Variants in SAMD4A observed in about 807,000 individuals in gnomAD.
SAMD4A encodes the protein sterile alpha motif domain containing 4A.
In SAMD4A, 33 loss-of-function variants were observed where a neutral mutation model predicts 81.3. The observed-to-expected ratio is 0.41, with a 90% CI of 0.31 to 0.54. The LOEUF is 0.54. Among genes scored for constraint, SAMD4A ranks in the 20% least tolerant of loss-of-function variants. The pLI is 0.37. For synonymous variants in SAMD4A, 389 were observed against 382.1 expected (o/e 1.02, Z -0.21); for missense variants, 854 against 951.1 (o/e 0.90, Z 1.34).
upstream of SAMD4A, among the ~76,000 whole-genome samples, chr14:54,565,974 T>TC (rs1415180114): frequency 1.4e-5 from 2 of 144,034 alleles, no homozygotes; most frequent in Non-Finnish European, 3.0e-5. The surrounding 1 kb of genome is among the most constrained non-coding windows in gnomAD (Gnocchi z 5.4). Flanking sequence ...CCGGGGTTCC[T>TC]CCCCCCGGCT....
chr14:54,681,318 CT>C (rs1373324307), intron 2 of SAMD4A, among the ~76,000 whole-genome samples: 1 of 152,134 alleles, frequency 6.6e-6, no homozygotes, highest in Non-Finnish European at 1.5e-5. Flanking sequence ...GAAAAAAGTA[CT>C]CCACAGATGA....
intron 11 of SAMD4A, among the ~76,000 whole-genome samples, chr14:54,780,696 G>A (rs2038977979): frequency 6.6e-6 from 1 of 152,236 alleles, no homozygotes; most frequent in Non-Finnish European, 1.5e-5. Flanking sequence ...CTTGGGGCAA[G>A]ATGGTACAAT....
At chr14:54,572,023 A>G (rs1331775827) in intron 2 of SAMD4A, among the ~76,000 whole-genome samples, 1 of 152,168 alleles carries the variant, frequency 6.6e-6, no homozygotes, top group African/African-American at 2.4e-5. Context: ...TATGGATAAG[A>G]TCTTGTTTGT....
intron 2 of SAMD4A, among the ~76,000 whole-genome samples, chr14:54,697,319 A>T (rs995485703): frequency 3.3e-5 from 5 of 152,312 alleles, no homozygotes; most frequent in African/African-American, 9.6e-5. Flanking sequence ...GAGAGACCAG[A>T]CGTACTCCAA....
chr14:54,680,422 T>C (rs574956991), intron 2 of SAMD4A, among the ~76,000 whole-genome samples: 2 of 152,374 alleles, frequency 1.3e-5, no homozygotes, highest in South Asian at 2.1e-4. Flanking sequence ...AGTATGTTTC[T>C]GGACTGTGAG....
intron 5 of SAMD4A, among the ~76,000 whole-genome samples, chr14:54,750,711 A>G (rs958912999): frequency 6.6e-6 from 1 of 152,214 alleles, no homozygotes; most frequent in Non-Finnish European, 1.5e-5. Context: ...GTAAAAACAC[A>G]GGGAGGGTTT....
In SAMD4A at chr14:54,642,936, TG is replaced by T. The variant is rs563828770; in HGVS notation, c.197-59122del. 3.5e-3 allele frequency among the ~76,000 whole-genome samples: 533 copies of T among 152,224 alleles called. 3 individuals carry two copies. Among genetic ancestry groups the T allele is most frequent in the African/African-American group, 0.012 (495 of 41,532 alleles). ...AGAGCTCAGCAGTGAGCCCAATATGTGGGGTAATGGTGCTTGGAAAGCCCTG... is the reference window on the plus strand; with the variant it reads ...AGAGCTCAGCAGTGAGCCCAATATGTGGGTAATGGTGCTTGGAAAGCCCTG... On this transcript the variant is annotated intron_variant, in intron 2 of 12. Transcript: ENST00000554335.
At chr14:54,748,755 G>T in intron 4 of SAMD4A, 60 bp from the exon 5 acceptor site, 1 of 1,166,744 alleles carries the variant, frequency 8.6e-7, no homozygotes, top group Non-Finnish European at 1.2e-6. Flanking sequence ...TACATCTCTC[G>T]TCATCTCTTC....
rs571991342 is a variant in SAMD4A at position 54,664,798 on chromosome 14, T to A, written c.197-37264T>A. 1.2e-3 allele frequency among the ~76,000 whole-genome samples: 178 copies of A among 145,518 alleles called. 1 individual carries two copies. The highest frequency in any genetic ancestry group is 4.5e-3 in the African/African-American group (171 of 37,720). ...TTTAAAAAGTTTTAAATATGTTTAA[T>A]TATGTGAATCCAACACACACACACA... On this transcript the variant is annotated intron_variant, in intron 2 of 12. Transcript: ENST00000554335.
intron 2 of SAMD4A, among the ~76,000 whole-genome samples, chr14:54,598,300 C>T (rs2033965858): frequency 1.3e-5 from 2 of 152,136 alleles, no homozygotes. Context: ...TTGCCCTGGC[C>T]TTCTAAATCT....
chr14:54,739,055 C>CTTTTTTTTTTTTTTTTTTTTTTTTTTT lies in SAMD4A; in HGVS notation c.979+1787_979+1788insTTTTTTTTTTTTTTTTTTTTTTTTTTT, dbSNP rs3051648. 5.5e-4 allele frequency among the ~76,000 whole-genome samples: 54 copies of CTTTTTTTTTTTTTTTTTTTTTTTTTTT among 97,354 alleles called. 8 individuals are homozygous for CTTTTTTTTTTTTTTTTTTTTTTTTTTT. The highest frequency in any genetic ancestry group is 2.5e-3 in the African/African-American group (51 of 20,662). The allele number at this position is 97,354 out of a possible 152,430, so 63.9% of individuals were successfully genotyped here. Reference sequence around the variant, plus strand: ...TACTTTGTTTTCTTTCTTTCCTTTTCTTTTTTTTTTTTTTTTTTTGAGGCC... The same window carrying CTTTTTTTTTTTTTTTTTTTTTTTTTTT: ...TACTTTGTTTTCTTTCTTTCCTTTTCTTTTTTTTTTTTTTTTTTTTTTTTTTTTTTTTTTTTTTTTTTTTTTGAGGCC... On this transcript the variant is annotated intron_variant, in intron 4 of 12. Transcript: ENST00000554335.
At chr14:54,654,289 A>G (rs1016620334) in intron 2 of SAMD4A, among the ~76,000 whole-genome samples, 2 of 152,140 alleles carry the variant, frequency 1.3e-5, no homozygotes, top group African/African-American at 4.8e-5. Flanking sequence ...GGGAATTCCT[A>G]CTGGTAGTAG....
intron 7 of SAMD4A, among the ~76,000 whole-genome samples, chr14:54,761,803 C>A (rs1209867253): frequency 1.3e-5 from 2 of 152,228 alleles, no homozygotes; most frequent in African/African-American, 2.4e-5. Flanking sequence ...AGGAAGCCTG[C>A]TGATCCACTG....
intron 2 of SAMD4A, among the ~76,000 whole-genome samples, chr14:54,690,765 G>GCTTTGATGGTTTGAAT (rs773624796): frequency 9.0e-4 from 137 of 152,304 alleles, no homozygotes; most frequent in Non-Finnish European, 1.7e-3. Flanking sequence ...ATGGTATGAA[G>GCTTTGATGGTTTGAAT]CTAGATTCAA....
At chr14:54,687,108 C>A (rs2036292813) in intron 2 of SAMD4A, among the ~76,000 whole-genome samples, 1 of 152,126 alleles carries the variant, frequency 6.6e-6, no homozygotes, top group African/African-American at 2.4e-5. Context: ...AAGGCTCTAC[C>A]CATTTTAGAC....
chr14:54,740,963 T>C (rs2037830689), intron 4 of SAMD4A, among the ~76,000 whole-genome samples: 1 of 152,228 alleles, frequency 6.6e-6, no homozygotes, highest in African/African-American at 2.4e-5. Context: ...CAATTTAGCT[T>C]GAAACTAACC....
chr14:54,723,658 C>T (rs941821868), intron 3 of SAMD4A, among the ~76,000 whole-genome samples: 8 of 152,200 alleles, frequency 5.3e-5, no homozygotes, highest in Admixed American at 1.3e-4. Flanking sequence ...CACTGCCTTG[C>T]GGCTTCTAGC....
chr14:54,776,678 A>C, intron 11 of SAMD4A, 138 bp downstream of exon 11: 3 of 1,088,946 alleles, frequency 2.8e-6, no homozygotes, highest in Non-Finnish European at 3.7e-6. Context: ...TCCTTTTTTA[A>C]ACTGTGCCTT....
upstream of SAMD4A, among the ~76,000 whole-genome samples, chr14:54,566,244 G>T (rs1422645680): frequency 6.6e-6 from 1 of 151,106 alleles, no homozygotes; most frequent in Non-Finnish European, 1.5e-5. Flanking sequence ...CCCCAACCCC[G>T]CTGAGAGCCG....
Sources: allele counts gnomAD v4.1 joint callset (sites outside exome capture counted in the v4.1 genomes callset), GRCh38; gene constraint gnomAD v4.1.1; non-coding constraint Gnocchi (gnomAD v3.1); transcripts MANE v1.5; gene names NCBI Gene and HGNC (gene_info 2026-07-23, HGNC 2026-07-21).